The following OR14A2 variants were observed in gnomAD, a reference collection of about 807,000 sequenced individuals.
OR14A2 encodes olfactory receptor 14A2.
For synonymous variants in OR14A2, 114 were observed against 58.6 expected, an observed-to-expected ratio of 1.95 and a Z score of -4.32; for missense variants, 237 against 152.9, an observed-to-expected ratio of 1.55 and a Z score of -2.90.
the OR14A2 span, among the ~76,000 whole-genome samples, chr1:247,742,470 G>GCA: frequency 1.7e-4 from 26 of 149,228 alleles, 1 homozygote; most frequent in African/African-American, 6.4e-4. Context: ...ACACACACAC[G>GCA]CACACACACA....
chr1:247,731,836 T>C, the OR14A2 span, among the ~76,000 whole-genome samples: 5 of 152,170 alleles, frequency 3.3e-5, no homozygotes, highest in Non-Finnish European at 7.4e-5. Flanking sequence ...CTTCAACATC[T>C]GGTTCATCTT....
At chr1:247,739,583 C>T in the OR14A2 span, 1 of 749,072 alleles carries the variant, frequency 1.3e-6, no homozygotes, top group Admixed American at 1.9e-5. Flanking sequence ...TGGGAAGTAA[C>T]TTTTTTTGTT....
chr1:247,724,126 T>C (rs993527985), upstream of OR14A2: 10 of 606,216 alleles, frequency 1.6e-5, no homozygotes, highest in African/African-American at 1.1e-4. Context: ...AATTAGTCTA[T>C]ACAGACTAGC....
the OR14A2 span, among the ~76,000 whole-genome samples, chr1:247,747,400 T>C: frequency 8.6e-5 from 13 of 151,510 alleles, no homozygotes; most frequent in South Asian, 2.5e-3. Flanking sequence ...CTCGCTCTGT[T>C]GCCCAGGCTG....
chr1:247,730,699 A>G, the OR14A2 span, among the ~76,000 whole-genome samples: 1 of 152,064 alleles, frequency 6.6e-6, no homozygotes, highest in Non-Finnish European at 1.5e-5. Context: ...GGTTCTCCAG[A>G]GAAACAAAAC....
chr1:247,732,141 G>C, the OR14A2 span, among the ~76,000 whole-genome samples: 1 of 152,090 alleles, frequency 6.6e-6, no homozygotes, highest in Non-Finnish European at 1.5e-5. Context: ...AGCCAGAGAT[G>C]TGGGTAGAAA....
rs778352774 is a variant in OR14A2 at position 247,723,750 on chromosome 1, C to G, written c.294G>C (p.Gln98His). The G allele has an allele frequency of 9.7e-6, 7 of 718,104 alleles. No individual in the cohort carries two copies. In the African/African-American group the frequency reaches 1.2e-4, roughly 13 times the overall value. 44.5% of individuals were successfully genotyped at this position (718,104 alleles called of 1,614,324 possible). A position where few individuals can be genotyped will look rare whatever the true frequency, so the allele number is the denominator to read the frequency against. Reference sequence around the variant, plus strand: ...CTGAGAAGGAAGTCATTAAAAGTAGCTGGAAGGCACATCCTAGAATGGAAA... The same window carrying G: ...CTGAGAAGGAAGTCATTAAAAGTAGGTGGAAGGCACATCCTAGAATGGAAA... The change falls in exon 1 of 1, where the codon CAG (glutamine) becomes CAC (histidine). Residue 98 changes from glutamine to histidine, a missense_variant. Gln to His is a conservative substitution (Grantham distance 24). Coordinates refer to ENST00000366485, the Ensembl canonical transcript of OR14A2.
chr1:247,733,712 C>A, the OR14A2 span, among the ~76,000 whole-genome samples: 1 of 152,030 alleles, frequency 6.6e-6, no homozygotes, highest in African/African-American at 2.4e-5. Context: ...AAGACAAAAC[C>A]CTGCAACTAA....
exon 1 of OR14A2, chr1:247,723,500 A>G: frequency 1.4e-6 from 1 of 717,844 alleles, no homozygotes. Flanking sequence ...ATCCTTAGTA[A>G]TGAAGGAACA....
the OR14A2 span, among the ~76,000 whole-genome samples, chr1:247,747,931 A>G: frequency 6.6e-6 from 1 of 152,240 alleles, no homozygotes; most frequent in East Asian, 1.9e-4. Context: ...TCCTGAGAGT[A>G]CCGGAAAGTG....
chr1:247,734,676 A>C, the OR14A2 span, among the ~76,000 whole-genome samples: 1 of 152,208 alleles, frequency 6.6e-6, no homozygotes, highest in Non-Finnish European at 1.5e-5. Context: ...TACCTTAAAA[A>C]TCAATAAGCT....
chr1:247,740,534 T>C, the OR14A2 span, among the ~76,000 whole-genome samples: 1 of 152,222 alleles, frequency 6.6e-6, no homozygotes, highest in Non-Finnish European at 1.5e-5. Flanking sequence ...TTAAAACTTC[T>C]TTTTCTCTAA....
the OR14A2 span, among the ~76,000 whole-genome samples, chr1:247,740,034 C>G: frequency 3.3e-5 from 5 of 152,254 alleles, no homozygotes; most frequent in East Asian, 9.7e-4. Flanking sequence ...CTTCACTTGA[C>G]ATCTGTTATT....
the OR14A2 span, among the ~76,000 whole-genome samples, chr1:247,741,287 A>C: frequency 6.6e-6 from 1 of 152,188 alleles, no homozygotes; most frequent in African/African-American, 2.4e-5. Context: ...CCTGCATGGA[A>C]AGTTCATGCA....
chr1:247,745,185 C>T, the OR14A2 span, among the ~76,000 whole-genome samples: 1 of 152,104 alleles, frequency 6.6e-6, no homozygotes, highest in South Asian at 2.1e-4. Context: ...TCTATAATTA[C>T]ATTAATAAAG....
the OR14A2 span, among the ~76,000 whole-genome samples, chr1:247,733,723 TATC>T: frequency 6.6e-6 from 1 of 152,202 alleles, no homozygotes; most frequent in Admixed American, 6.5e-5. Context: ...CTGCAACTAA[TATC>T]ATAGTTAATG....
chr1:247,745,401 G>A, the OR14A2 span, among the ~76,000 whole-genome samples: 2 of 146,544 alleles, frequency 1.4e-5, no homozygotes, highest in East Asian at 3.9e-4. Context: ...AAAAAAAATA[G>A]AAAGATGTCT....
rs1317217807 is a variant in OR14A2, at chr1:247,723,969, A to T, written c.75T>A (p.Tyr25Ter). ...GGTAAATCAGTAGGAAGAGCACACCATATAAAATCCGCAGCTTCTGGATAT... is the reference window on the plus strand; with the variant it reads ...GGTAAATCAGTAGGAAGAGCACACCTTATAAAATCCGCAGCTTCTGGATAT... The change falls in exon 1 of 1, where the codon TAT (tyrosine) becomes TAA (stop). Residue 25 changes from tyrosine (Y) to a stop codon, truncating the protein, a stop_gained. Coordinates refer to ENST00000366485, the Ensembl canonical transcript of OR14A2. LOFTEE classifies it low-confidence loss of function (END_TRUNC). The T allele has an allele frequency of 1.3e-5, 9 of 716,686 alleles. No homozygotes were observed. Among genetic ancestry groups the T allele is most frequent in the Non-Finnish European group, 2.3e-5 (9 of 384,852 alleles). 44.4% of individuals were successfully genotyped at this position (716,686 alleles called of 1,614,324 possible).
chr1:247,737,437 G>GA, the OR14A2 span, among the ~76,000 whole-genome samples: 1 of 152,130 alleles, frequency 6.6e-6, no homozygotes, highest in African/African-American at 2.4e-5. Flanking sequence ...GTTCTTGTTG[G>GA]AAAAAGCACT....
Sources: allele counts gnomAD v4.1 joint callset (sites outside exome capture counted in the v4.1 genomes callset), GRCh38; gene constraint gnomAD v4.1.1; transcripts MANE v1.5; gene names NCBI Gene and HGNC (gene_info 2026-07-23, HGNC 2026-07-21).